CEP126: variants seen among roughly 807,000 people sequenced by gnomAD.
CEP126 encodes the protein centrosomal protein 126.
CEP126 carries 74 observed loss-of-function variants against 107.8 expected under a neutral mutation model. The ratio of observed to expected loss-of-function variants is 0.69; its 90% CI spans 0.57 to 0.83. The LOEUF is 0.83. Among genes scored for constraint, CEP126 ranks in the 40% least tolerant of loss-of-function variants. The pLI, the probability that CEP126 is intolerant of heterozygous loss-of-function variation, is 0.00. For synonymous variants in CEP126, 449 were observed against 446.0 expected, an observed-to-expected ratio of 1.01 and a Z score of -0.08; for missense variants, 1,237 against 1,281.9, an observed-to-expected ratio of 0.96 and a Z score of 0.53.
rs141551133 is a variant in CEP126 at position 101,986,614 on chromosome 11, G to A, written c.3035-218G>A. Among the ~76,000 whole-genome samples, 697 of 151,892 alleles carry A rather than the reference G, an allele frequency of 4.6e-3. 5 individuals carry two copies. The highest frequency in any genetic ancestry group is 0.016 in the African/African-American group (655 of 41,382). On this transcript the variant is annotated intron_variant, in intron 8 of 10. Coordinates refer to ENST00000263468, the MANE Select transcript of CEP126 (RefSeq NM_020802.4). ...TGGGAATTTTTATTAACTCACTGCC[G>A]TCATTTTGAATATCCTTTTTTAAAA...
intron 4 of CEP126, among the ~76,000 whole-genome samples, chr11:101,952,960 T>G (rs1200638798): frequency 6.6e-6 from 1 of 152,208 alleles, no homozygotes; most frequent in African/African-American, 2.4e-5. Context: ...ATAGGAGGAA[T>G]CCTTATAGAA....
chr11:101,976,830 G>A (rs1941197560), intron 6 of CEP126, among the ~76,000 whole-genome samples: 1 of 152,038 alleles, frequency 6.6e-6, no homozygotes, highest in African/African-American at 2.4e-5. Context: ...CTTGATTCTT[G>A]CAAAGTCACT....
At position 101,985,099 on chromosome 11, in the gene CEP126, GAGTCAGGAATAAC is replaced by G. The variant is rs773005216; in HGVS notation, c.3035-1729_3035-1717del. Among the ~76,000 whole-genome samples, 403 of 152,188 alleles carry G rather than the reference GAGTCAGGAATAAC, an allele frequency of 2.6e-3. 2 individuals are homozygous for G. Among genetic ancestry groups the G allele is most frequent in the Non-Finnish European group, 3.5e-3 (235 of 68,006 alleles). On this transcript the variant is annotated intron_variant, in intron 8 of 10. Transcript: ENST00000263468. ...TTGCTTTTCAGTAGATATAAATTTG[GAGTCAGGAATAAC>G]AGTGATACCAAACAACCACAGATAA... is the stretch of plus-strand genomic sequence containing the variant.
At chr11:101,997,460 T>C in intron 10 of CEP126, 139 bp from the exon 11 acceptor site, 3 of 1,309,638 alleles carry the variant, frequency 2.3e-6, no homozygotes, top group Admixed American at 2.3e-5. Flanking sequence ...TATAAAGTCC[T>C]CTGCAATCTT....
At position 101,922,725 on chromosome 11, in the gene CEP126, A is replaced by G. The variant is rs2137078894; in HGVS notation, c.213A>G (p.Ala71=). The change falls in exon 2 of 11, where the codon GCA becomes GCG. Residue 71 remains alanine, a synonymous_variant. Coordinates refer to ENST00000263468, the MANE Select transcript of CEP126 (RefSeq NM_020802.4). Reference sequence around the variant, plus strand: ...AACAAAAAATATGTCGAAATCGAGCACGTAAATATTTTGTGGAGTCAAATC... The same window carrying G: ...AACAAAAAATATGTCGAAATCGAGCGCGTAAATATTTTGTGGAGTCAAATC... The part of the protein sequence containing the change: ...LQQQKICRNR[A]RKYFVESNRR... 3 of 1,612,888 alleles carry G rather than the reference A, an allele frequency of 1.9e-6. No homozygotes were observed. The highest frequency in any genetic ancestry group is 1.3e-5 in the African/African-American group (1 of 75,018).
chr11:101,921,719 A>C (rs1306303350), intron 1 of CEP126, among the ~76,000 whole-genome samples: 1 of 149,892 alleles, frequency 6.7e-6, no homozygotes, highest in Non-Finnish European at 1.5e-5. Flanking sequence ...AAAAAAAAAA[A>C]AAAAAACTGT....
At chr11:101,955,072 A>G (rs974199518) in intron 4 of CEP126, among the ~76,000 whole-genome samples, 6 of 152,146 alleles carry the variant, frequency 3.9e-5, no homozygotes, top group Non-Finnish European at 7.4e-5. Flanking sequence ...GATGTTGGCA[A>G]TCTGATCATG....
Position 101,963,274 on chromosome 11 carries a change from G to C in CEP126, c.2239G>C (p.Gly747Arg). Reference sequence around the variant, plus strand: ...ACATGATGATTCTAAAACTAAGCAAGGTAAGCCACAAAGAGGTAGAGCAAA... The same window carrying C: ...ACATGATGATTCTAAAACTAAGCAACGTAAGCCACAAAGAGGTAGAGCAAA... Reference protein sequence around the residue: ...PVHDDSKTKQGKPQRGRAKII... With the variant: ...PVHDDSKTKQRKPQRGRAKII... The change falls in exon 6 of 11, where the codon GGT (glycine) becomes CGT (arginine). Residue 747 changes from glycine to arginine, a missense_variant. Around this residue, in one of 3 missense-constraint regions of CEP126, gnomAD observed 1,134 missense variants for 1,150.5 expected, o/e 0.99. Transcript: ENST00000263468. 2 of 1,613,998 alleles carry C rather than the reference G, an allele frequency of 1.2e-6. No individual in the cohort carries two copies. The highest frequency in any genetic ancestry group is 1.7e-6 in the Non-Finnish European group (2 of 1,180,004).
intron 2 of CEP126, among the ~76,000 whole-genome samples, chr11:101,934,697 A>G (rs1443716348): frequency 6.6e-6 from 1 of 152,072 alleles, no homozygotes; most frequent in Non-Finnish European, 1.5e-5. Context: ...TCATCCATGT[A>G]TTAGTTCATT....
In CEP126 at chr11:101,962,239, T is replaced by C. The variant is rs1317788545; in HGVS notation, c.1204T>C (p.Phe402Leu). The change falls in exon 6 of 11, where the codon TTC becomes CTC. Residue 402 changes from phenylalanine (F) to leucine (L), a missense_variant. Phe to Leu is a conservative substitution (Grantham distance 22, BLOSUM62 0). Coordinates refer to ENST00000263468, the MANE Select transcript of CEP126 (RefSeq NM_020802.4). ...MRTTDSTSGA[F>L]KRERPLVTES... ...GACAACTGACTCCACTTCTGGAGCA[T>C]TCAAAAGAGAGAGACCATTAGTTAC... 2 of 1,613,910 alleles carry C rather than the reference T, an allele frequency of 1.2e-6. No homozygotes were observed. The highest frequency in any genetic ancestry group is 3.3e-5 in the Admixed American group (2 of 60,008).
intron 9 of CEP126, among the ~76,000 whole-genome samples, chr11:101,987,250 ATCT>A (rs1222191229): frequency 6.6e-6 from 1 of 152,228 alleles, no homozygotes; most frequent in African/African-American, 2.4e-5. Flanking sequence ...TGGCAGACTT[ATCT>A]GTCTTTTCAG....
intron 10 of CEP126, among the ~76,000 whole-genome samples, chr11:101,993,342 A>G (rs911460352): frequency 6.6e-6 from 1 of 152,198 alleles, no homozygotes; most frequent in Non-Finnish European, 1.5e-5. Context: ...TAGTTTACTT[A>G]GGATTGTGGC....
rs1941458518 is a variant in CEP126 at position 101,997,661 on chromosome 11, T to C, written c.*18T>C. The C allele has an allele frequency of 6.2e-7, 1 of 1,613,730 alleles. No individual in the cohort carries two copies. Among genetic ancestry groups the C allele is most frequent in the Admixed American group, 1.7e-5 (1 of 60,006 alleles). On this transcript the variant is annotated 3_prime_UTR_variant, in exon 11 of 11. Transcript: ENST00000263468. ...AGAGATAATTCCAGCAGAATCCGTC[T>C]AAGAAGACCTTTCATGTACTTCCCT...
intron 6 of CEP126, among the ~76,000 whole-genome samples, chr11:101,967,832 A>G (rs959087934): frequency 3.9e-5 from 6 of 152,224 alleles, no homozygotes; most frequent in Admixed American, 2.6e-4. Flanking sequence ...ACAAACATCA[A>G]ACTCGGAATA....
intron 2 of CEP126, among the ~76,000 whole-genome samples, chr11:101,926,213 A>G (rs554261168): frequency 2.2e-4 from 33 of 152,352 alleles, no homozygotes; most frequent in African/African-American, 7.0e-4. Flanking sequence ...AGCACATGCC[A>G]TAGACTTAAA....
At chr11:101,996,824 G>A (rs1279881223) in intron 10 of CEP126, among the ~76,000 whole-genome samples, 1 of 152,212 alleles carries the variant, frequency 6.6e-6, no homozygotes. Context: ...CTTCTGGCGT[G>A]CCTAACTATG....
rs149073961 is a variant in CEP126 at position 101,965,165 on chromosome 11, T to TA, written c.2845+1288dup. 5.3e-3 allele frequency among the ~76,000 whole-genome samples: 802 copies of TA among 152,272 alleles called. 7 individuals carry two copies. Among genetic ancestry groups the TA allele is most frequent in the African/African-American group, 0.018 (753 of 41,562 alleles). Reference sequence around the variant, plus strand: ...AAACTTCTTTCCTTCTATGAAGGAATAAACTAGAAAGCAATATATTTTCCT... The same window carrying TA: ...AAACTTCTTTCCTTCTATGAAGGAATAAAACTAGAAAGCAATATATTTTCCT... On this transcript the variant is annotated intron_variant, in intron 6 of 10. Transcript: ENST00000263468.
rs1941492344 is a variant in CEP126 at position 102,000,228 on chromosome 11, CT to C, written c.*2591del. ...AAAAATGTTACTTTTTAAAAAGTAA[CT>C]TTTTTAATAATATAAGAAAGAAAAA... On this transcript the variant is annotated 3_prime_UTR_variant, in exon 11 of 11. Transcript: ENST00000263468. 6.6e-6 allele frequency: 1 copy of C among 151,940 alleles called. No individual in the cohort carries two copies. The highest frequency in any genetic ancestry group is 1.5e-5 in the Non-Finnish European group (1 of 67,970). The allele number at this position is 151,940 out of a possible 1,614,324, so 9.4% of individuals were successfully genotyped here. A position where few individuals can be genotyped will look rare whatever the true frequency, so the allele number is the denominator to read the frequency against.
intron 7 of CEP126, among the ~76,000 whole-genome samples, chr11:101,979,051 G>T (rs1941225623): frequency 6.6e-6 from 1 of 152,046 alleles, no homozygotes. Flanking sequence ...AGAATTGCTT[G>T]AACCTGGGAG....
Sources: allele counts gnomAD v4.1 joint callset (sites outside exome capture counted in the v4.1 genomes callset), GRCh38; gene constraint gnomAD v4.1.1; regional missense constraint gnomAD v4.1.1; transcripts MANE v1.5; gene names NCBI Gene and HGNC (gene_info 2026-07-23, HGNC 2026-07-21).